MAP2K5: variants seen among roughly 807,000 people sequenced by gnomAD.
MAP2K5 encodes the protein dual specificity mitogen-activated protein kinase kinase 5.
MAP2K5 carries 49 observed loss-of-function variants against 83.1 expected under a neutral mutation model. The observed-to-expected ratio is 0.59, with a 90% CI of 0.47 to 0.75. The LOEUF is 0.75. MAP2K5 is among the 30% of genes least tolerant of loss of function. The probability of loss-of-function intolerance (pLI) is 0.00; values close to 1 mark genes in which losing one functional copy is unlikely to be tolerated. For missense variants in MAP2K5, 457 were observed against 557.5 expected (o/e 0.82, Z 1.82); for synonymous variants, 202 against 191.8 (o/e 1.05, Z -0.44).
intron 4 of MAP2K5, 89 bp from the exon 5 acceptor site, chr15:67,585,801 T>A (rs2085276318): frequency 1.8e-6 from 2 of 1,111,102 alleles, no homozygotes; most frequent in Admixed American, 3.4e-5. Context: ...AATTTTGGTG[T>A]CACCCTCATT....
At chr15:67,767,328 TATACC>T (rs2090059037) in intron 19 of MAP2K5, among the ~76,000 whole-genome samples, 1 of 152,230 alleles carries the variant, frequency 6.6e-6, no homozygotes, top group African/African-American at 2.4e-5. Context: ...CATCATGTTT[TATACC>T]AGATCTTTAT....
intron 2 of MAP2K5, among the ~76,000 whole-genome samples, chr15:67,556,321 T>C (rs1221981769): frequency 6.6e-6 from 1 of 152,194 alleles, no homozygotes; most frequent in Non-Finnish European, 1.5e-5. Flanking sequence ...TCAAACTTAC[T>C]TATTTTCCTT....
intron 19 of MAP2K5, among the ~76,000 whole-genome samples, chr15:67,754,523 T>C (rs916223677): frequency 2.0e-5 from 3 of 152,252 alleles, no homozygotes; most frequent in African/African-American, 7.2e-5. Context: ...CTTCATGATC[T>C]AGTGGAAGAC....
chr15:67,695,234 A>G (rs931187841), intron 15 of MAP2K5, among the ~76,000 whole-genome samples: 7 of 152,102 alleles, frequency 4.6e-5, no homozygotes, highest in Admixed American at 1.3e-4. Context: ...CATTGTGCAC[A>G]TGTACCCTAA....
rs573985425 is a variant in MAP2K5, at chr15:67,563,771, C to T, written c.252+421C>T. On this transcript the variant is annotated intron_variant, in intron 3 of 21. Transcript: ENST00000178640. This position sits in a 1 kb window ranked among gnomAD's most constrained non-coding sequence, Gnocchi z 4.5. Reference sequence around the variant, plus strand: ...TAGCTGCAGGCTTAATATGGATACACGATTTAAAGATGTACTGTTGGTTAT... The same window carrying T: ...TAGCTGCAGGCTTAATATGGATACATGATTTAAAGATGTACTGTTGGTTAT... Among the ~76,000 whole-genome samples the T allele has an allele frequency of 5.2e-4, 79 of 152,158 alleles. No homozygotes were observed. Among genetic ancestry groups the T allele is most frequent in the African/African-American group, 1.5e-3 (62 of 41,502 alleles).
chr15:67,695,834 T>C (rs1596811083), intron 15 of MAP2K5, among the ~76,000 whole-genome samples: 1 of 152,348 alleles, frequency 6.6e-6, no homozygotes, highest in East Asian at 1.9e-4. Context: ...AATTATGAAA[T>C]GTTAGCTTGG....
chr15:67,660,082 T>A (rs1395366990), intron 12 of MAP2K5, among the ~76,000 whole-genome samples: 1 of 152,178 alleles, frequency 6.6e-6, no homozygotes, highest in African/African-American at 2.4e-5. Context: ...ACATTTTTTT[T>A]AATTAGGGGT....
intron 3 of MAP2K5, among the ~76,000 whole-genome samples, chr15:67,579,511 TAGA>T (rs937229484): frequency 6.6e-5 from 10 of 152,186 alleles, no homozygotes; most frequent in African/African-American, 2.4e-4. Flanking sequence ...TTTATGTCTG[TAGA>T]AGGAGAGAAT....
rs1184904120 is a variant in MAP2K5 at position 67,690,188 on chromosome 15, G to A, written c.848-2291G>A. On this transcript the variant is annotated intron_variant, in intron 13 of 21. Transcript: ENST00000178640. The surrounding 1 kb of genome is among the most constrained non-coding windows in gnomAD (Gnocchi z 4.3). The stretch of plus-strand genomic sequence containing the variant: ...GTCCAAAAGAAAAATATTTAAAACT[G>A]AGGGCCCATGATAAGAACTAGATTT... Among the ~76,000 whole-genome samples, 2 of 152,168 alleles carry A rather than the reference G, an allele frequency of 1.3e-5. No homozygotes were observed. The highest frequency in any genetic ancestry group is 1.5e-5 in the Non-Finnish European group (1 of 68,038).
chr15:67,771,699 C>T (rs571732178), intron 20 of MAP2K5, among the ~76,000 whole-genome samples: 5 of 152,176 alleles, frequency 3.3e-5, no homozygotes, highest in Non-Finnish European at 5.9e-5. Flanking sequence ...CAAATGTCCT[C>T]GATGTCATTA....
rs777020431 is a variant in MAP2K5 at position 67,562,762 on chromosome 15, G to A, written c.185-521G>A. 6.6e-6 allele frequency among the ~76,000 whole-genome samples: 1 copy of A among 152,164 alleles called. No homozygotes were observed. Among genetic ancestry groups the A allele is most frequent in the Non-Finnish European group, 1.5e-5 (1 of 68,038 alleles). On this transcript the variant is annotated intron_variant, in intron 2 of 21. Coordinates refer to ENST00000178640, the MANE Select transcript of MAP2K5 (RefSeq NM_145160.3). The surrounding 1 kb of genome is among the most constrained non-coding windows in gnomAD (Gnocchi z 4.1). ...TAATAATAATGATGTTCATGTCGCA[G>A]GTTTGTTATGAGGTTTTCAAGGAGG...
At chr15:67,695,937 A>C (rs946064678) in intron 15 of MAP2K5, among the ~76,000 whole-genome samples, 2 of 152,164 alleles carry the variant, frequency 1.3e-5, no homozygotes, top group Non-Finnish European at 2.9e-5. Context: ...AGATACCTAG[A>C]AAAGGAGCAA....
chr15:67,672,855 G>T (rs1026349525), intron 13 of MAP2K5, among the ~76,000 whole-genome samples: 1 of 151,416 alleles, frequency 6.6e-6, no homozygotes, highest in African/African-American at 2.4e-5. Context: ...GTAAGGAAGG[G>T]ATCCAGTTTC....
In MAP2K5 at chr15:67,677,297, TA is replaced by T. The variant is rs1168816210; in HGVS notation, c.847+12654del. Among the ~76,000 whole-genome samples, 3 of 152,192 alleles carry T rather than the reference TA, an allele frequency of 2.0e-5. No individual in the cohort carries two copies. The highest frequency in any genetic ancestry group is 2.9e-5 in the Non-Finnish European group (2 of 68,038). ...TGTGTCCTTGGGCAAGTAATTTCAT[TA>T]ATTTGAACCTCAATTTCCTCCTCTG... On this transcript the variant is annotated intron_variant, in intron 13 of 21. Transcript: ENST00000178640. This position sits in a 1 kb window ranked among gnomAD's most constrained non-coding sequence, Gnocchi z 4.2.
chr15:67,710,984 A>G (rs772232297), intron 16 of MAP2K5, among the ~76,000 whole-genome samples: 26 of 152,380 alleles, frequency 1.7e-4, no homozygotes, highest in Non-Finnish European at 2.9e-4. Flanking sequence ...TCATGATACC[A>G]ACTCTGATAT....
At chr15:67,654,711 A>G (rs2087028703) in intron 11 of MAP2K5, among the ~76,000 whole-genome samples, 1 of 152,146 alleles carries the variant, frequency 6.6e-6, no homozygotes, top group South Asian at 2.1e-4. Flanking sequence ...TAGGGATTAC[A>G]ATTAACTTCT....
intron 2 of MAP2K5, among the ~76,000 whole-genome samples, chr15:67,551,212 C>T (rs916957472): frequency 1.3e-5 from 2 of 152,178 alleles, no homozygotes; most frequent in Non-Finnish European, 2.9e-5. Context: ...CATTTCTTAT[C>T]AACATATAAA....
Position 67,720,842 on chromosome 15 carries a change from A to G in MAP2K5, c.1045-7074A>G, listed in dbSNP as rs528702606. ...CCAGGATGATTTATCCTCCTGCTGC[A>G]CTGGGATATAACCCTATATTAGGTG... On this transcript the variant is annotated intron_variant, in intron 16 of 21. Transcript: ENST00000178640. The surrounding 1 kb of genome is among the most constrained non-coding windows in gnomAD (Gnocchi z 5.7). Among the ~76,000 whole-genome samples, 8 of 152,298 alleles carry G rather than the reference A, an allele frequency of 5.3e-5. No individual in the cohort carries two copies. In the South Asian group the frequency reaches 1.7e-3, roughly 32 times the overall value.
intron 8 of MAP2K5, among the ~76,000 whole-genome samples, chr15:67,620,312 A>G (rs1474858893): frequency 6.6e-6 from 1 of 152,212 alleles, no homozygotes; most frequent in Non-Finnish European, 1.5e-5. Flanking sequence ...CAGAGGTTTC[A>G]TTGAGCCGAG....
Sources: allele counts gnomAD v4.1 joint callset (sites outside exome capture counted in the v4.1 genomes callset), GRCh38; gene constraint gnomAD v4.1.1; non-coding constraint Gnocchi (gnomAD v3.1); transcripts MANE v1.5; gene names NCBI Gene and HGNC (gene_info 2026-07-23, HGNC 2026-07-21).